DLG2: variants seen among roughly 807,000 people sequenced by gnomAD.
The protein encoded by DLG2 is disks large homolog 2.
A neutral mutation model predicts 132.5 loss-of-function variants in DLG2; 45 were observed. That is an observed-to-expected ratio of 0.34 (90% CI 0.27 to 0.44). The LOEUF (loss-of-function observed/expected upper bound fraction) is 0.44, where lower values mean the gene tolerates loss of function less well. Among genes scored for constraint, DLG2 ranks in the 20% least tolerant of loss-of-function variants. The pLI is 1.00. For missense variants in DLG2, 1,045 were observed against 1,196.9 expected (o/e 0.87, Z 1.87); for synonymous variants, 424 against 419.6 (o/e 1.01, Z -0.13).
chr11:85,429,615 C>A (rs962493157), intron 3 of DLG2, among the ~76,000 whole-genome samples: 12 of 152,188 alleles, frequency 7.9e-5, no homozygotes, highest in African/African-American at 2.9e-4. Context: ...AAATGCTCGT[C>A]ATCACTGGCC....
chr11:84,718,078 C>T (rs1405974614), intron 6 of DLG2, among the ~76,000 whole-genome samples: 1 of 152,040 alleles, frequency 6.6e-6, no homozygotes, highest in Non-Finnish European at 1.5e-5. Flanking sequence ...TCCCAATACT[C>T]TTTCCATATT....
At chr11:85,343,750 G>A (rs554601710) in intron 3 of DLG2, among the ~76,000 whole-genome samples, 55 of 152,024 alleles carry the variant, frequency 3.6e-4, no homozygotes, top group African/African-American at 6.5e-4. Context: ...TGAGGAAGGC[G>A]GAACCTGATA....
At chr11:84,491,976 T>C (rs372996918) in intron 7 of DLG2, among the ~76,000 whole-genome samples, 27 of 152,106 alleles carry the variant, frequency 1.8e-4, no homozygotes, top group African/African-American at 6.5e-4. Context: ...ATTGTAGAGA[T>C]TGTTGCTAAA....
At chr11:83,912,595 A>G (rs1486634591) in intron 15 of DLG2, among the ~76,000 whole-genome samples, 3 of 152,142 alleles carry the variant, frequency 2.0e-5, no homozygotes, top group African/African-American at 7.2e-5. Flanking sequence ...GCGCGTTAAC[A>G]TAATATCTAC....
At position 85,563,047 on chromosome 11, in the gene DLG2, C is replaced by T. The variant is rs893988027; in HGVS notation, c.40+35610G>A. Among the ~76,000 whole-genome samples, 4 of 151,612 alleles carry T rather than the reference C, an allele frequency of 2.6e-5. 1 individual carries two copies. Among genetic ancestry groups the T allele is most frequent in the Non-Finnish European group, 4.4e-5 (3 of 67,782 alleles). ...TATACTCAATTCAATATTGACTGAG[C>T]ACCTGTTGTGGGTATTAAAAGGCTG... On this transcript the variant is annotated intron_variant, in intron 3 of 27. Transcript: ENST00000376104.
At chr11:84,446,838 C>A (rs1466651635) in intron 7 of DLG2, among the ~76,000 whole-genome samples, 1 of 152,114 alleles carries the variant, frequency 6.6e-6, no homozygotes. Context: ...TACACTCTCA[C>A]CCTAAATGCC....
intron 3 of DLG2, among the ~76,000 whole-genome samples, chr11:85,291,010 C>T (rs1448561178): frequency 6.6e-6 from 1 of 152,138 alleles, no homozygotes; most frequent in Non-Finnish European, 1.5e-5. Flanking sequence ...AATGATGCTA[C>T]TATTTCCTCA....
intron 6 of DLG2, among the ~76,000 whole-genome samples, chr11:84,688,618 A>G (rs1305916870): frequency 6.6e-6 from 1 of 152,206 alleles, no homozygotes; most frequent in African/African-American, 2.4e-5. Flanking sequence ...CAAATGTTAA[A>G]TAAATATTGT....
chr11:83,700,750 C>T (rs2082782122), intron 18 of DLG2, among the ~76,000 whole-genome samples: 1 of 151,996 alleles, frequency 6.6e-6, no homozygotes, highest in South Asian at 2.1e-4. Context: ...AAAACTGGCT[C>T]TGAATAAAAT....
At chr11:85,199,033 A>C (rs2081263385) in intron 4 of DLG2, among the ~76,000 whole-genome samples, 1 of 152,174 alleles carries the variant, frequency 6.6e-6, no homozygotes, top group Non-Finnish European at 1.5e-5. Context: ...ATATATGCCT[A>C]TTTTAGGACC....
chr11:83,945,279 TA>T (rs1245765003), intron 14 of DLG2, among the ~76,000 whole-genome samples: 2 of 152,090 alleles, frequency 1.3e-5, no homozygotes, highest in Non-Finnish European at 2.9e-5. Context: ...GTCTCAAAAA[TA>T]AATAAATACA....
chr11:84,026,926 T>C (rs2095550059), intron 11 of DLG2, among the ~76,000 whole-genome samples: 1 of 152,158 alleles, frequency 6.6e-6, no homozygotes, highest in African/African-American at 2.4e-5. Flanking sequence ...AAAAGCGTTT[T>C]ATATCTGTAG....
At chr11:85,118,745 C>T (rs938387020) in intron 5 of DLG2, among the ~76,000 whole-genome samples, 1 of 151,864 alleles carries the variant, frequency 6.6e-6, no homozygotes, top group African/African-American at 2.4e-5. Flanking sequence ...TGACTGGACC[C>T]GGGTTACAAT....
chr11:83,767,909 A>G (rs6592139), intron 18 of DLG2, among the ~76,000 whole-genome samples: 45,676 of 152,094 alleles, frequency 0.3, 9,085 homozygotes, highest in African/African-American at 0.57. Flanking sequence ...CTAAATAACT[A>G]TCACAAGGTC....
intron 3 of DLG2, among the ~76,000 whole-genome samples, chr11:85,546,004 G>A (rs757925183): frequency 3.9e-5 from 6 of 152,062 alleles, no homozygotes; most frequent in Non-Finnish European, 8.8e-5. Flanking sequence ...GTTCTGCTCT[G>A]ATATTAATTA....
At chr11:84,579,169 A>G (rs962384886) in intron 6 of DLG2, among the ~76,000 whole-genome samples, 6 of 146,930 alleles carry the variant, frequency 4.1e-5, no homozygotes, top group Admixed American at 7.1e-5. Flanking sequence ...AAATGAACTA[A>G]TACACCTTGC....
chr11:85,195,631 C>T (rs2080992968), intron 4 of DLG2, among the ~76,000 whole-genome samples: 1 of 149,576 alleles, frequency 6.7e-6, no homozygotes, highest in South Asian at 2.1e-4. Flanking sequence ...TCACGTCATT[C>T]TCCTGCCTCA....
intron 17 of DLG2, among the ~76,000 whole-genome samples, chr11:83,830,001 G>A (rs1001236544): frequency 1.3e-5 from 2 of 151,980 alleles, no homozygotes; most frequent in Non-Finnish European, 2.9e-5. Flanking sequence ...GCGGTGTTTC[G>A]TTTTCTGTCC....
chr11:85,175,730 A>G (rs760564883), intron 4 of DLG2, among the ~76,000 whole-genome samples: 4 of 152,182 alleles, frequency 2.6e-5, no homozygotes, highest in African/African-American at 9.7e-5. Context: ...TCACCACCCA[A>G]AAGTATCTTA....
Sources: gnomAD v4.1 joint callset for allele counts (sites outside exome capture counted in the v4.1 genomes callset) on GRCh38, gnomAD v4.1.1 for gene constraint, MANE v1.5 for transcripts, NCBI Gene and HGNC (gene_info 2026-07-23, HGNC 2026-07-21) for gene names.